INPP4B: variants seen among roughly 807,000 people sequenced by gnomAD.
INPP4B encodes inositol polyphosphate 4-phosphatase type II.
In INPP4B, 55 loss-of-function variants were observed where a neutral mutation model predicts 122.5. The ratio of observed to expected loss-of-function variants is 0.45; its 90% CI spans 0.36 to 0.56. The LOEUF (loss-of-function observed/expected upper bound fraction) is 0.56. INPP4B is among the 20% of genes least tolerant of loss of function. The pLI is 0.00. For synonymous variants in INPP4B, 403 were observed against 388.7 expected (o/e 1.04, Z -0.43); for missense variants, 1,000 against 1,097.7 (o/e 0.91, Z 1.26).
At chr4:142,727,360 C>A (rs1765465569) in intron 1 of INPP4B, among the ~76,000 whole-genome samples, 1 of 152,150 alleles carries the variant, frequency 6.6e-6, no homozygotes, top group Non-Finnish European at 1.5e-5. Flanking sequence ...TCAGAAAACA[C>A]CTGGTGAGCC....
intron 11 of INPP4B, among the ~76,000 whole-genome samples, 169 bp downstream of exon 11, chr4:142,260,323 T>A (rs1285235511): frequency 6.6e-6 from 1 of 152,154 alleles, no homozygotes; most frequent in Non-Finnish European, 1.5e-5. Flanking sequence ...ACATTTATCT[T>A]TCCTGTGGAA....
rs1170850618 is a variant in INPP4B at position 142,429,154 on chromosome 4, A to T, written c.136+19T>A. ...CAAATTCTTATATTTATTGATATAA[A>T]TAAGATGGAATTTCTTACCAAGGAT... On this transcript the variant is annotated intron_variant, in intron 5 of 25. Transcript: ENST00000262992. The T allele has an allele frequency of 1.1e-5, 16 of 1,441,302 alleles. No individual in the cohort carries two copies. Among genetic ancestry groups the T allele is most frequent in the Non-Finnish European group, 1.6e-5 (16 of 1,031,320 alleles). 89.3% of individuals were successfully genotyped at this position (1,441,302 alleles called of 1,614,324 possible). A position where few individuals can be genotyped will look rare whatever the true frequency, so the allele number is the denominator to read the frequency against.
At chr4:142,343,012 G>A (rs1779165983) in intron 7 of INPP4B, among the ~76,000 whole-genome samples, 2 of 152,048 alleles carry the variant, frequency 1.3e-5, no homozygotes, top group Non-Finnish European at 2.9e-5. Context: ...TGTTATTAGT[G>A]GAGAAATGCA....
At chr4:142,718,519 G>A (rs1002668130) in intron 2 of INPP4B, among the ~76,000 whole-genome samples, 11 of 152,232 alleles carry the variant, frequency 7.2e-5, no homozygotes, top group East Asian at 1.9e-4. Context: ...AAACTTGTGC[G>A]TCCGCATCAG....
At chr4:142,480,127 T>G (rs570425677) in intron 2 of INPP4B, among the ~76,000 whole-genome samples, 1 of 152,216 alleles carries the variant, frequency 6.6e-6, no homozygotes, top group Non-Finnish European at 1.5e-5. Context: ...ATAGAAAGAT[T>G]GCAAAGACAT....
chr4:142,628,614 C>G (rs991057293), intron 2 of INPP4B, among the ~76,000 whole-genome samples: 16 of 149,838 alleles, frequency 1.1e-4, no homozygotes, highest in Non-Finnish European at 1.9e-4. Context: ...GCTACCGCAC[C>G]ATTTCCCTGC....
intron 25 of INPP4B, among the ~76,000 whole-genome samples, chr4:142,051,714 C>T (rs1397823097): frequency 6.6e-6 from 1 of 151,980 alleles, no homozygotes; most frequent in Non-Finnish European, 1.5e-5. Context: ...AACCATTTAC[C>T]TAAATTGATA....
In INPP4B at chr4:142,286,425, A is replaced by G. The variant is rs575166460; in HGVS notation, c.504-15651T>C. ...GGAAGTAGAAAGACAGTAAAAACTA[A>G]AAGTTATAGAATTAAAATTTCCAAT... On this transcript the variant is annotated intron_variant, in intron 9 of 25. Coordinates refer to ENST00000262992, the MANE Select transcript of INPP4B (RefSeq NM_001101669.3). Among the ~76,000 whole-genome samples the G allele has an allele frequency of 8.5e-5, 13 of 152,328 alleles. No homozygotes were observed. In the South Asian group the frequency reaches 2.5e-3, roughly 29 times the overall value.
At chr4:142,706,731 A>C (rs778919197) in intron 2 of INPP4B, among the ~76,000 whole-genome samples, 5 of 152,264 alleles carry the variant, frequency 3.3e-5, no homozygotes, top group Non-Finnish European at 7.3e-5. Flanking sequence ...GACAAGCCTC[A>C]CAAATGAGTG....
intron 9 of INPP4B, among the ~76,000 whole-genome samples, chr4:142,286,050 T>C (rs888696790): frequency 6.6e-6 from 1 of 152,138 alleles, no homozygotes; most frequent in South Asian, 2.1e-4. Flanking sequence ...TATAGAACAA[T>C]AAAGATTCCT....
chr4:142,310,998 A>C (rs948991990), intron 8 of INPP4B, among the ~76,000 whole-genome samples: 1 of 152,160 alleles, frequency 6.6e-6, no homozygotes, highest in Non-Finnish European at 1.5e-5. Flanking sequence ...TGAGAATGCA[A>C]AGAAACACAC....
rs552118930 is a variant in INPP4B at position 142,237,799 on chromosome 4, T to C, written c.836+65A>G. 1.9e-4 allele frequency: 171 copies of C among 919,948 alleles called. 1 individual carries two copies. The South Asian group carries it at 3.0e-3, about 16-fold the overall frequency. 57.0% of individuals were successfully genotyped at this position (919,948 alleles called of 1,614,324 possible). On this transcript the variant is annotated intron_variant, in intron 12 of 25. Transcript: ENST00000262992. ...TGTTGCACAGATTATATATAATTTG[T>C]CAATTAAAAATTTTTAAATGGTATA...
intron 15 of INPP4B, among the ~76,000 whole-genome samples, chr4:142,177,277 A>G (rs554230961): frequency 6.6e-5 from 10 of 152,130 alleles, no homozygotes; most frequent in Non-Finnish European, 1.3e-4. Flanking sequence ...AAAAATCACC[A>G]CTCACAAAAT....
At chr4:142,459,099 G>A (rs1159361401) in intron 3 of INPP4B, among the ~76,000 whole-genome samples, 1 of 152,158 alleles carries the variant, frequency 6.6e-6, no homozygotes, top group Non-Finnish European at 1.5e-5. Context: ...CAGTGTGGAA[G>A]GAAGCTGCAA....
intron 9 of INPP4B, among the ~76,000 whole-genome samples, chr4:142,286,551 T>G (rs1753803435): frequency 1.3e-5 from 2 of 152,204 alleles, no homozygotes; most frequent in Admixed American, 1.3e-4. Flanking sequence ...ACCCTGGATA[T>G]AGCTTTTTTC....
chr4:142,249,998 T>G (rs1731136641), intron 11 of INPP4B, among the ~76,000 whole-genome samples: 1 of 152,252 alleles, frequency 6.6e-6, no homozygotes, highest in Non-Finnish European at 1.5e-5. Flanking sequence ...ATAAGTCTGC[T>G]TTTTAACAAC....
At chr4:142,546,970 T>C (rs911039909) in intron 2 of INPP4B, among the ~76,000 whole-genome samples, 1 of 152,164 alleles carries the variant, frequency 6.6e-6, no homozygotes, top group Non-Finnish European at 1.5e-5. Context: ...TTCAAAATTA[T>C]GATAATATAA....
chr4:142,584,918 T>C (rs1735845172), intron 2 of INPP4B, among the ~76,000 whole-genome samples: 1 of 152,182 alleles, frequency 6.6e-6, no homozygotes, highest in Non-Finnish European at 1.5e-5. Flanking sequence ...CTCATAACTG[T>C]ATAGAATCAT....
chr4:142,758,225 T>C (rs1448563484), intron 1 of INPP4B, among the ~76,000 whole-genome samples: 1 of 152,140 alleles, frequency 6.6e-6, no homozygotes, highest in Non-Finnish European at 1.5e-5. Flanking sequence ...ATATTTGGTC[T>C]AGAAGTGAAA....
Sources: gnomAD v4.1 joint callset for allele counts (sites outside exome capture counted in the v4.1 genomes callset) on GRCh38, gnomAD v4.1.1 for gene constraint, MANE v1.5 for transcripts, NCBI Gene and HGNC (gene_info 2026-07-23, HGNC 2026-07-21) for gene names.